RANBP17: variants seen among roughly 807,000 people sequenced by gnomAD.
RANBP17 encodes the protein ran-binding protein 17.
A neutral mutation model predicts 141.2 loss-of-function variants in RANBP17; 158 were observed. That is an observed-to-expected ratio of 1.12 (90% CI 0.98 to 1.28). RANBP17 has a LOEUF of 1.28. Among genes scored for constraint, RANBP17 ranks in the 50% most tolerant of loss-of-function variants. The pLI is 0.00. For missense variants in RANBP17, 1,438 were observed against 1,290.7 expected (o/e 1.11, Z -1.75); for synonymous variants, 430 against 450.0 (o/e 0.96, Z 0.56).
At chr5:171,280,656 G>T (rs1345509438) in intron 25 of RANBP17, among the ~76,000 whole-genome samples, 1 of 152,200 alleles carries the variant, frequency 6.6e-6, no homozygotes, top group African/African-American at 2.4e-5. Flanking sequence ...CTCCTTGTTT[G>T]TCTGTAATCT....
At chr5:171,142,713 TC>T (rs1757787387) in intron 14 of RANBP17, among the ~76,000 whole-genome samples, 2 of 152,302 alleles carry the variant, frequency 1.3e-5, no homozygotes, top group Non-Finnish European at 2.9e-5. Context: ...GTATAGACTG[TC>T]TCAAAGGCCT....
intron 19 of RANBP17, among the ~76,000 whole-genome samples, chr5:171,203,047 G>C (rs1410756907): frequency 6.6e-6 from 1 of 152,058 alleles, no homozygotes; most frequent in East Asian, 1.9e-4. Flanking sequence ...GAAGAACTCA[G>C]CAGTTTCTCC....
At chr5:171,297,186 G>C (rs951557379) in intron 27 of RANBP17, among the ~76,000 whole-genome samples, 1 of 152,184 alleles carries the variant, frequency 6.6e-6, no homozygotes, top group Non-Finnish European at 1.5e-5. Context: ...AATGAAAGGA[G>C]ATAGGTTCAG....
At chr5:170,930,344 G>A (rs1345967874) in intron 12 of RANBP17, among the ~76,000 whole-genome samples, 1 of 150,918 alleles carries the variant, frequency 6.6e-6, no homozygotes, top group Admixed American at 6.6e-5. Context: ...TACTTTAGTT[G>A]CATCCCACGA....
chr5:171,240,777 AT>A (rs1764824010), intron 22 of RANBP17, 150 bp from the exon 23 acceptor site: 1 of 552,584 alleles, frequency 1.8e-6, no homozygotes, highest in Non-Finnish European at 3.2e-6. Context: ...ATGTATTTAT[AT>A]TTTTTATTAC....
At chr5:170,964,328 A>C (rs554966976) in intron 13 of RANBP17, among the ~76,000 whole-genome samples, 2 of 152,330 alleles carry the variant, frequency 1.3e-5, no homozygotes, top group South Asian at 2.1e-4. Flanking sequence ...CTTAGTGTCC[A>C]TCAATAGGGG....
intron 5 of RANBP17, among the ~76,000 whole-genome samples, chr5:170,902,473 C>T (rs1770724074): frequency 6.6e-6 from 1 of 152,158 alleles, no homozygotes. Flanking sequence ...GAACATGCTC[C>T]TTTAGCTCAG....
At chr5:170,904,116 T>A (rs1443741075) in intron 5 of RANBP17, 4 of 376,610 alleles carry the variant, frequency 1.1e-5, no homozygotes, top group African/African-American at 8.5e-5. Context: ...TTTACATCTT[T>A]GCAGAAATAT....
chr5:171,075,208 C>G (rs1235843743), intron 14 of RANBP17, among the ~76,000 whole-genome samples: 1 of 152,146 alleles, frequency 6.6e-6, no homozygotes, highest in Non-Finnish European at 1.5e-5. Flanking sequence ...AGTCTCCTTT[C>G]TTTCTAATAT....
chr5:171,005,605 A>G lies in RANBP17; in HGVS notation c.1710+37228A>G, dbSNP rs192403104. Among the ~76,000 whole-genome samples the G allele has an allele frequency of 3.2e-4, 49 of 152,216 alleles. 1 individual carries two copies. Among genetic ancestry groups the G allele is most frequent in the Admixed American group, 3.2e-3 (49 of 15,286 alleles). On this transcript the variant is annotated intron_variant, in intron 14 of 27. Transcript: ENST00000523189. ...TACAAAAATTAATTCAAGATGGATT[A>G]AAGACTTACATGTTAGACCTAAAAC...
intron 12 of RANBP17, among the ~76,000 whole-genome samples, chr5:170,943,136 T>C (rs573341598): frequency 2.0e-4 from 30 of 152,310 alleles, no homozygotes; most frequent in Non-Finnish European, 3.7e-4. Context: ...GATCATTTTA[T>C]ATTATGAAAA....
chr5:171,298,329 C>T (rs1415169972), intron 27 of RANBP17, among the ~76,000 whole-genome samples: 2 of 152,130 alleles, frequency 1.3e-5, no homozygotes, highest in Admixed American at 6.6e-5. Context: ...TCAGTTTTCT[C>T]TCTGTAAAAT....
At chr5:170,894,903 T>C (rs1440116095) in intron 4 of RANBP17, among the ~76,000 whole-genome samples, 1 of 152,194 alleles carries the variant, frequency 6.6e-6, no homozygotes, top group Non-Finnish European at 1.5e-5. Flanking sequence ...TAGTGTACTT[T>C]GTGACTTAGC....
chr5:171,230,322 A>G (rs1466800693), intron 22 of RANBP17, among the ~76,000 whole-genome samples: 3 of 152,346 alleles, frequency 2.0e-5, no homozygotes, highest in Non-Finnish European at 4.4e-5. Flanking sequence ...TAGATTTTAC[A>G]AAGCACATAA....
chr5:171,039,744 C>T (rs957251499), intron 14 of RANBP17, among the ~76,000 whole-genome samples: 12 of 152,098 alleles, frequency 7.9e-5, no homozygotes, highest in African/African-American at 2.9e-4. Context: ...CTATTATGAA[C>T]ACCCCTGTTC....
At chr5:170,875,428 C>T (rs1768097937) in intron 1 of RANBP17, among the ~76,000 whole-genome samples, 4 of 152,140 alleles carry the variant, frequency 2.6e-5, no homozygotes, top group Admixed American at 2.6e-4. Context: ...CTTGGTTCCA[C>T]TCTCTTTGTC....
chr5:171,251,977 G>A (rs1490340227), intron 24 of RANBP17: 2 of 1,609,444 alleles, frequency 1.2e-6, no homozygotes, highest in East Asian at 2.2e-5. Context: ...AGTTCTTCAA[G>A]CACTTTATTT....
At chr5:171,002,690 T>G (rs1350969491) in intron 14 of RANBP17, among the ~76,000 whole-genome samples, 39 of 152,074 alleles carry the variant, frequency 2.6e-4, no homozygotes, top group Non-Finnish European at 1.5e-5. Context: ...GTAGCCTCAG[T>G]GATAGATGTG....
intron 7 of RANBP17, among the ~76,000 whole-genome samples, chr5:170,911,660 G>A (rs757694310): frequency 6.6e-5 from 10 of 151,990 alleles, no homozygotes; most frequent in South Asian, 4.1e-4. Context: ...AAAAAGTTCA[G>A]TATGAAGGGT....
Sources: gnomAD v4.1 joint callset for allele counts (sites outside exome capture counted in the v4.1 genomes callset) on GRCh38, gnomAD v4.1.1 for gene constraint, MANE v1.5 for transcripts, NCBI Gene and HGNC (gene_info 2026-07-23, HGNC 2026-07-21) for gene names.